Variants in PARD6G observed in about 807,000 individuals in gnomAD.
The protein encoded by PARD6G is par-6 family cell polarity regulator gamma.
In PARD6G, 7 loss-of-function variants were observed where a neutral mutation model predicts 10.7. The ratio of observed to expected loss-of-function variants is 0.66; its 90% CI spans 0.37 to 1.23. The LOEUF is 1.23. Ranked by LOEUF, PARD6G falls within the 50% of genes most tolerant of loss-of-function variation. PARD6G has a pLI of 0.02. For missense variants in PARD6G, 548 were observed against 571.8 expected (o/e 0.96, Z 0.42); for synonymous variants, 287 against 269.4 (o/e 1.07, Z -0.64).
intron 1 of PARD6G, among the ~76,000 whole-genome samples, chr18:80,218,990 T>C (rs1475676218): frequency 2.0e-5 from 3 of 152,188 alleles, no homozygotes; most frequent in Admixed American, 2.0e-4. Flanking sequence ...GGGCACCAAG[T>C]GCCAAGGCTG....
chr18:80,207,888 TGAG>T (rs1967069197), intron 1 of PARD6G, among the ~76,000 whole-genome samples: 1 of 152,114 alleles, frequency 6.6e-6, no homozygotes, highest in Non-Finnish European at 1.5e-5. Flanking sequence ...AAAAATCTCT[TGAG>T]GGAGTAATGG....
rs919259529 is a variant in PARD6G at position 80,180,916 on chromosome 18, G to A, written c.296-20310C>T. Among the ~76,000 whole-genome samples, 13 of 152,162 alleles carry A rather than the reference G, an allele frequency of 8.5e-5. 1 individual carries two copies. The highest frequency in any genetic ancestry group is 2.6e-4 in the Admixed American group (4 of 15,284). On this transcript the variant is annotated intron_variant, in intron 2 of 2. Coordinates refer to ENST00000353265, the MANE Select transcript of PARD6G (RefSeq NM_032510.4). This position sits in a 1 kb window ranked among gnomAD's most constrained non-coding sequence, Gnocchi z 5.6. Reference sequence around the variant, plus strand: ...TCTAGACAGCAGAGGCCGGGGCACCGATAGCTCTCCACATGCAGATGCCCC... The same window carrying A: ...TCTAGACAGCAGAGGCCGGGGCACCAATAGCTCTCCACATGCAGATGCCCC...
rs2052685871 is a variant in PARD6G, at chr18:80,160,008, GTCC to G, written c.891_893del (p.Glu297del). On this transcript the variant is annotated inframe_deletion, in exon 3 of 3. Coordinates refer to ENST00000353265, the MANE Select transcript of PARD6G (RefSeq NM_032510.4). ...GTGTGCCCTCGATGACGACGTCGTTGTCCTCATCGCTCTCCGCCTCGTCGGGGT... is the reference window on the plus strand; with the variant it reads ...GTGTGCCCTCGATGACGACGTCGTTGTCATCGCTCTCCGCCTCGTCGGGGT... The G allele has an allele frequency of 6.5e-7, 1 of 1,527,846 alleles. No homozygotes were observed. The highest frequency in any genetic ancestry group is 2.3e-5 in the East Asian group (1 of 43,512). 94.6% of individuals were successfully genotyped at this position (1,527,846 alleles called of 1,614,324 possible). A position where few individuals can be genotyped will look rare whatever the true frequency, so the allele number is the denominator to read the frequency against.
intron 1 of PARD6G, among the ~76,000 whole-genome samples, chr18:80,208,276 A>C (rs1302404401): frequency 6.6e-6 from 1 of 152,208 alleles, no homozygotes; most frequent in Non-Finnish European, 1.5e-5. Context: ...CCAACTTAAA[A>C]ATATATCATC....
intron 1 of PARD6G, among the ~76,000 whole-genome samples, chr18:80,216,426 C>T (rs1967166778): frequency 6.6e-6 from 1 of 151,840 alleles, no homozygotes; most frequent in Non-Finnish European, 1.5e-5. Context: ...AGTATGTCTT[C>T]CAACCACAAG....
Position 80,161,170 on chromosome 18 carries a change from G to A in PARD6G, c.296-564C>T, listed in dbSNP as rs572006675. Among the ~76,000 whole-genome samples, 1 of 152,140 alleles carries A rather than the reference G, an allele frequency of 6.6e-6. No homozygotes were observed. Among genetic ancestry groups the A allele is most frequent in the Non-Finnish European group, 1.5e-5 (1 of 68,018 alleles). Reference sequence around the variant, plus strand: ...GTGTGAGCATTTCCCTGCGTTTTTGGTTAGCAGCTGATGAGGGGAGATGAG... The same window carrying A: ...GTGTGAGCATTTCCCTGCGTTTTTGATTAGCAGCTGATGAGGGGAGATGAG... On this transcript the variant is annotated intron_variant, in intron 2 of 2. Transcript: ENST00000353265. This position sits in a 1 kb window ranked among gnomAD's most constrained non-coding sequence, Gnocchi z 4.6.
chr18:80,198,827 G>C (rs1281062069), intron 2 of PARD6G, among the ~76,000 whole-genome samples: 1 of 152,166 alleles, frequency 6.6e-6, no homozygotes, highest in Admixed American at 6.5e-5. Flanking sequence ...TCAGATCCAG[G>C]GGTCTGATCA....
intron 2 of PARD6G, among the ~76,000 whole-genome samples, chr18:80,165,915 C>G (rs2052732748): frequency 6.6e-6 from 1 of 152,096 alleles, no homozygotes. Flanking sequence ...AACCCTGTCT[C>G]TATTAAAAAT....
At chr18:80,178,484 G>A (rs1184676419) in intron 2 of PARD6G, 1 of 152,384 alleles carries the variant, frequency 6.6e-6, no homozygotes, top group Non-Finnish European at 1.5e-5. Flanking sequence ...AACCCATAGA[G>A]AGGAGCATCC....
In PARD6G at chr18:80,180,408, G is replaced by A. The variant is rs1401568946; in HGVS notation, c.296-19802C>T. Among the ~76,000 whole-genome samples, 1 of 152,144 alleles carries A rather than the reference G, an allele frequency of 6.6e-6. No homozygotes were observed. The highest frequency in any genetic ancestry group is 1.5e-5 in the Non-Finnish European group (1 of 68,018). On this transcript the variant is annotated intron_variant, in intron 2 of 2. Coordinates refer to ENST00000353265, the MANE Select transcript of PARD6G (RefSeq NM_032510.4). The surrounding 1 kb of genome is among the most constrained non-coding windows in gnomAD (Gnocchi z 5.6). Reference sequence around the variant, plus strand: ...GGAATGCAGCACTGTGCTCTTCCTGGGGGCTGTGGCCTCACAGAGGCTCCC... The same window carrying A: ...GGAATGCAGCACTGTGCTCTTCCTGAGGGCTGTGGCCTCACAGAGGCTCCC...
chr18:80,166,438 G>C (rs143298690), intron 2 of PARD6G, among the ~76,000 whole-genome samples: 3 of 151,300 alleles, frequency 2.0e-5, no homozygotes, highest in Admixed American at 6.6e-5. Flanking sequence ...TCGGTCATGG[G>C]GGCATCAGGA....
intron 1 of PARD6G, among the ~76,000 whole-genome samples, chr18:80,230,408 G>T (rs1451492408): frequency 2.0e-5 from 3 of 152,240 alleles, no homozygotes; most frequent in Non-Finnish European, 4.4e-5. Context: ...CTCGGCAGTA[G>T]TTTGCTATAG....
chr18:80,229,290 G>C (rs983103628), intron 1 of PARD6G, among the ~76,000 whole-genome samples: 3 of 152,220 alleles, frequency 2.0e-5, no homozygotes, highest in Non-Finnish European at 4.4e-5. Flanking sequence ...TTACAATATA[G>C]TAAATTTAAA....
intron 1 of PARD6G, among the ~76,000 whole-genome samples, chr18:80,222,979 A>C (rs1381366860): frequency 6.6e-6 from 1 of 152,200 alleles, no homozygotes; most frequent in Non-Finnish European, 1.5e-5. Flanking sequence ...GCTGGTAATC[A>C]ATTTATTTTT....
chr18:80,243,843 CAAAG>C lies in PARD6G; in HGVS notation c.72+3430_72+3433del, dbSNP rs542946804. Among the ~76,000 whole-genome samples, 11 of 152,160 alleles carry C rather than the reference CAAAG, an allele frequency of 7.2e-5. No individual in the cohort carries two copies. The South Asian group carries it at 2.1e-3, about 29-fold the overall frequency. ...AGCCACAAACTAGGGAAACACAGGC[CAAAG>C]AAAGCGTGGGCCGAGGGCATGAGCA... is the stretch of plus-strand genomic sequence containing the variant. On this transcript the variant is annotated intron_variant, in intron 1 of 2. Transcript: ENST00000353265.
At chr18:80,168,449 T>G (rs2052751142) in intron 2 of PARD6G, among the ~76,000 whole-genome samples, 1 of 152,124 alleles carries the variant, frequency 6.6e-6, no homozygotes, top group Non-Finnish European at 1.5e-5. Flanking sequence ...TGTCACTGCT[T>G]CTTTTTCAAG....
At chr18:80,171,338 A>G (rs1325215037) in intron 2 of PARD6G, 2 of 152,284 alleles carry the variant, frequency 1.3e-5, no homozygotes, top group African/African-American at 4.8e-5. Flanking sequence ...AGTCTCCGGA[A>G]CAGAAAGCAG....
chr18:80,159,322 A>ACAT lies in PARD6G; in HGVS notation c.*446_*448dup, dbSNP rs1200057537. On this transcript the variant is annotated 3_prime_UTR_variant, in exon 3 of 3. Coordinates refer to ENST00000353265, the MANE Select transcript of PARD6G (RefSeq NM_032510.4). ...ATTAAAAACCAGCCTCTTGTCACGT[A>ACAT]CATCAGCACAGTCGGCCTCGCCTGC... The ACAT allele has an allele frequency of 6.5e-6, 1 of 153,830 alleles. No individual in the cohort carries two copies. The highest frequency in any genetic ancestry group is 2.4e-5 in the African/African-American group (1 of 41,532). 9.5% of individuals were successfully genotyped at this position (153,830 alleles called of 1,614,324 possible).
rs2052681134 is a variant in PARD6G at position 80,159,658 on chromosome 18, A to G, written c.*113T>C. 1 of 1,294,014 alleles carries G rather than the reference A, an allele frequency of 7.7e-7. No individual in the cohort carries two copies. The highest frequency in any genetic ancestry group is 4.2e-5 in the Admixed American group (1 of 23,852). 80.2% of individuals were successfully genotyped at this position (1,294,014 alleles called of 1,614,324 possible). A position where few individuals can be genotyped will look rare whatever the true frequency, so the allele number is the denominator to read the frequency against. ...ATATCCGGAAGTTGAAACAAAGAGC[A>G]GCGTTGTTTTTGTGGTCACAAAAAC... On this transcript the variant is annotated 3_prime_UTR_variant, in exon 3 of 3. Coordinates refer to ENST00000353265, the MANE Select transcript of PARD6G (RefSeq NM_032510.4).
Sources: gnomAD v4.1 joint callset for allele counts (sites outside exome capture counted in the v4.1 genomes callset) on GRCh38, gnomAD v4.1.1 for gene constraint, Gnocchi (gnomAD v3.1) non-coding constraint, MANE v1.5 for transcripts, NCBI Gene and HGNC (gene_info 2026-07-23, HGNC 2026-07-21) for gene names.